Variants in COL6A3 observed in about 807,000 individuals in gnomAD.
COL6A3 encodes the protein collagen type VI alpha 3 chain, also known as collagen alpha-3(VI) chain.
Under a neutral mutation model 274.1 loss-of-function variants are expected in COL6A3, and 137 were observed. That is an observed-to-expected ratio of 0.50 (90% CI 0.44 to 0.58). COL6A3 has a LOEUF of 0.58. COL6A3 is among the 20% of genes least tolerant of loss of function. COL6A3 has a pLI of 0.00. For synonymous variants in COL6A3, 1,650 were observed against 1,650.6 expected (o/e 1.00, Z 0.01); for missense variants, 3,950 against 4,124.9 (o/e 0.96, Z 1.16).
In COL6A3 at chr2:237,325,659, G is replaced by A. The variant is rs147533489; in HGVS notation, c.9394C>T (p.Pro3132Ser). 98 of 1,614,034 alleles carry A rather than the reference G, an allele frequency of 6.1e-5. No individual in the cohort carries two copies. In the Middle Eastern group the frequency reaches 8.2e-4, roughly 14 times the overall value. The change falls in exon 43 of 44, where the codon CCA becomes TCA. Residue 3132 changes from proline to serine, a missense_variant. Pro to Ser is a moderately conservative substitution (Grantham distance 74, BLOSUM62 -1). Around this residue, in one of 5 missense-constraint regions of COL6A3, gnomAD observed 1,284 missense variants for 1,349.7 expected, o/e 0.95. Transcript: ENST00000295550. ...RDFILKWYYDPNTKSCARFWY... is the reference protein window; with the variant it reads ...RDFILKWYYDSNTKSCARFWY... ...AATCTTGCACAGCTTTTGGTGTTTG[G>A]ATCATAGTACCATTTTAATATGAAA...
At chr2:237,333,190 T>C (rs186980928) in intron 42 of COL6A3, 35 of 548,408 alleles carry the variant, frequency 6.4e-5, no homozygotes, top group African/African-American at 4.7e-4. Context: ...AAATGTCTAA[T>C]GGATACGTGA....
chr2:237,361,187 A>T lies in COL6A3; in HGVS notation c.6157-13T>A, dbSNP rs1294548622. ...CTCCAGGAATACCCTGAAACAAAGT[A>T]ATCGGGTCCTCTGTTTAATCCCGTG... is the stretch of plus-strand genomic sequence containing the variant. On this transcript the variant is annotated splice_polypyrimidine_tract_variant and intron_variant, in intron 15 of 43. Coordinates refer to ENST00000295550, the MANE Select transcript of COL6A3 (RefSeq NM_004369.4). This position sits in a 1 kb window ranked among gnomAD's most constrained non-coding sequence, Gnocchi z 5.1. The T allele has an allele frequency of 6.2e-7, 1 of 1,613,224 alleles. No individual in the cohort carries two copies. The highest frequency in any genetic ancestry group is 8.5e-7 in the Non-Finnish European group (1 of 1,179,180).
chr2:237,324,823 C>T lies in COL6A3; in HGVS notation c.9494-9G>A, dbSNP rs766439690. 14 of 1,612,716 alleles carry T rather than the reference C, an allele frequency of 8.7e-6. No homozygotes were observed. Among genetic ancestry groups the T allele is most frequent in the African/African-American group, 4.0e-5 (3 of 74,774 alleles). On this transcript the variant is annotated splice_polypyrimidine_tract_variant and intron_variant, in intron 43 of 43. Transcript: ENST00000295550. ...TCCGGGTTTGGCGAGCACTGAGCGT[C>T]GAGAGAGGGGGTGGGTGGGGTGAGG...
At chr2:237,351,012 G>A (rs369325417) in intron 27 of COL6A3, 118 bp downstream of exon 27, 1 of 933,098 alleles carries the variant, frequency 1.1e-6, no homozygotes, top group Non-Finnish European at 1.8e-6. Flanking sequence ...GGGGAGGCTG[G>A]AGTGGGAACC....
At chr2:237,362,973 C>T (rs2077470503) in intron 14 of COL6A3, among the ~76,000 whole-genome samples, 1 of 152,140 alleles carries the variant, frequency 6.6e-6, no homozygotes, top group Admixed American at 6.5e-5. Context: ...TAAAAGAGGC[C>T]GTTGCTAAGG....
rs559206141 is a variant in COL6A3 at position 237,371,957 on chromosome 2, C to G, written c.4060G>C (p.Asp1354His). The G allele has an allele frequency of 1.2e-6, 2 of 1,614,112 alleles. No homozygotes were observed. The highest frequency in any genetic ancestry group is 2.2e-5 in the South Asian group (2 of 91,060). ...AACTGCTTGAGCTCCACCGCCGGGT[C>G]GTCCACCTCATCGTCAGACTTTCCA... ...SSGKSDDEVD[D>H]PAVELKQFGV... Residue 1354 changes from aspartate to histidine, a missense_variant, in exon 9 of 44, where the codon GAC becomes CAC. Transcript: ENST00000295550. This position sits in a 1 kb window ranked among gnomAD's most constrained non-coding sequence, Gnocchi z 4.3.
intron 36 of COL6A3, chr2:237,343,514 CAAAAAAAAAAAAAAAAAAAAAAAAAA>C (rs56037595): frequency 9.5e-5 from 4 of 42,166 alleles, no homozygotes; most frequent in African/African-American, 3.9e-4. Context: ...GACTCTGTCT[CAAAAAAAAAAAAAAAAAAAAAAAAAA>C]AAAAAAAAAA....
At position 237,376,805 on chromosome 2, in the gene COL6A3, A is replaced by T; in HGVS notation, c.3037T>A (p.Leu1013Ile). ...GDLHPQIVNLLKSVHNGAPAP... is the reference protein window; with the variant it reads ...GDLHPQIVNLIKSVHNGAPAP... The stretch of plus-strand genomic sequence containing the variant: ...GGTGCTCCGTTGTGCACTGATTTTA[A>T]GAGATTCACTATCTGTGGATGAAGA... The change falls in exon 7 of 44, where the codon TTA becomes ATA. Residue 1013 changes from leucine to isoleucine, a missense_variant. Around this residue, in one of 5 missense-constraint regions of COL6A3, gnomAD observed 1,934 missense variants for 1,984.3 expected, o/e 0.97. Transcript: ENST00000295550. The T allele has an allele frequency of 6.2e-7, 1 of 1,614,184 alleles. No homozygotes were observed. The highest frequency in any genetic ancestry group is 1.1e-5 in the South Asian group (1 of 91,074).
chr2:237,349,392 A>G (rs952793230), intron 28 of COL6A3, among the ~76,000 whole-genome samples: 5 of 152,232 alleles, frequency 3.3e-5, no homozygotes, highest in African/African-American at 1.2e-4. Context: ...ATTTCCTTCA[A>G]TGGTTTGAAG....
At position 237,334,897 on chromosome 2, in the gene COL6A3, A is replaced by G; in HGVS notation, c.8966-8T>C. On this transcript the variant is annotated splice_region_variant and splice_polypyrimidine_tract_variant and intron_variant, in intron 40 of 43. Coordinates refer to ENST00000295550, the MANE Select transcript of COL6A3 (RefSeq NM_004369.4). Reference sequence around the variant, plus strand: ...CTTCACGGGACATCTTAACTGAAAGATAGATCAGAGCGTGAAGATAAAAAA... The same window carrying G: ...CTTCACGGGACATCTTAACTGAAAGGTAGATCAGAGCGTGAAGATAAAAAA... 1 of 1,614,136 alleles carries G rather than the reference A, an allele frequency of 6.2e-7. No homozygotes were observed. Among genetic ancestry groups the G allele is most frequent in the Non-Finnish European group, 8.5e-7 (1 of 1,180,010 alleles).
chr2:237,341,107 C>G lies in COL6A3; in HGVS notation c.7809G>C (p.Arg2603Ser). The change falls in exon 38 of 44, where the codon AGG (arginine) becomes AGC (serine). Residue 2603 changes from arginine (R) to serine (S), a missense_variant. Arg to Ser is a moderately radical substitution (Grantham distance 110). Around this residue, in one of 5 missense-constraint regions of COL6A3, gnomAD observed 1,284 missense variants for 1,349.7 expected, o/e 0.95. Transcript: ENST00000295550. ...CCGCTCTCCTGTCCCTGAAGGAAGG[C>G]CTCCAACTGCCAAATCCACAGGATG... ...IDPSCGFGSW[R>S]PSFRDRRAAG... 6.2e-7 allele frequency: 1 copy of G among 1,614,196 alleles called. No homozygotes were observed. Among genetic ancestry groups the G allele is most frequent in the Non-Finnish European group, 8.5e-7 (1 of 1,180,038 alleles).
chr2:237,349,162 C>A (rs948736743), intron 28 of COL6A3, among the ~76,000 whole-genome samples: 4 of 151,892 alleles, frequency 2.6e-5, no homozygotes, highest in East Asian at 1.9e-4. Context: ...ACACCTCCCC[C>A]CAGCATGCTC....
At chr2:237,353,041 G>T (rs980475874) in intron 25 of COL6A3, among the ~76,000 whole-genome samples, 3 of 152,192 alleles carry the variant, frequency 2.0e-5, no homozygotes, top group Admixed American at 6.5e-5. Context: ...CCTAGTAAAT[G>T]ATTCCATTTA....
At chr2:237,396,933 C>T (rs2078456851) in intron 1 of COL6A3, 86 bp from the exon 2 acceptor site, 1 of 889,974 alleles carries the variant, frequency 1.1e-6, no homozygotes, top group Non-Finnish European at 1.8e-6. Flanking sequence ...TTTCTACGTC[C>T]TTTTTAGACT....
At chr2:237,375,790 G>T (rs1242327603) in intron 7 of COL6A3, among the ~76,000 whole-genome samples, 1 of 152,114 alleles carries the variant, frequency 6.6e-6, no homozygotes, top group Non-Finnish European at 1.5e-5. Flanking sequence ...CAATGGGCCC[G>T]CCTTGGCCTC....
At chr2:237,345,331 G>A (rs2077076773) in intron 32 of COL6A3, 118 bp from the exon 33 acceptor site, 2 of 898,482 alleles carry the variant, frequency 2.2e-6, no homozygotes, top group Non-Finnish European at 3.7e-6. Flanking sequence ...AACCTTGATT[G>A]TTTACAGCCT....
At chr2:237,367,490 A>G (rs1407623809) in intron 10 of COL6A3, among the ~76,000 whole-genome samples, 1 of 152,258 alleles carries the variant, frequency 6.6e-6, no homozygotes, top group Non-Finnish European at 1.5e-5. Context: ...AAGATGAATG[A>G]TAAATCCTCT....
intron 40 of COL6A3, among the ~76,000 whole-genome samples, 169 bp downstream of exon 40, chr2:237,335,966 T>C (rs1167739029): frequency 1.3e-5 from 2 of 151,520 alleles, no homozygotes; most frequent in African/African-American, 4.9e-5. Flanking sequence ...GGATGGGGAG[T>C]GGGAGGCTGG....
At chr2:237,394,547 A>G (rs765354883) in intron 3 of COL6A3, 40 bp downstream of exon 3, 8 of 1,612,938 alleles carry the variant, frequency 5.0e-6, no homozygotes, top group South Asian at 4.4e-5. Flanking sequence ...ATCTCCCAAG[A>G]ACAGCAGGGC....
Sources: gnomAD v4.1 joint callset for allele counts (sites outside exome capture counted in the v4.1 genomes callset) on GRCh38, gnomAD v4.1.1 for gene constraint, gnomAD v4.1.1 regional missense constraint, Gnocchi (gnomAD v3.1) non-coding constraint, MANE v1.5 for transcripts, NCBI Gene and HGNC (gene_info 2026-07-23, HGNC 2026-07-21) for gene names.